LAPTM4B: variants seen among roughly 807,000 people sequenced by gnomAD.
The protein encoded by LAPTM4B is lysosomal-associated transmembrane protein 4B.
LAPTM4B carries 26 observed loss-of-function variants against 28.5 expected under a neutral mutation model. That is an observed-to-expected ratio of 0.91 (90% CI 0.67 to 1.27). LAPTM4B has a LOEUF of 1.27. LAPTM4B is among the 50% of genes most tolerant of loss of function. LAPTM4B has a pLI of 0.00. For synonymous variants in LAPTM4B, 109 were observed against 106.4 expected, an observed-to-expected ratio of 1.02 and a Z score of -0.15; for missense variants, 288 against 285.8, an observed-to-expected ratio of 1.01 and a Z score of -0.06.
chr8:97,840,738 C>T (rs1046419604), intron 6 of LAPTM4B, among the ~76,000 whole-genome samples: 2 of 152,354 alleles, frequency 1.3e-5, no homozygotes, highest in Middle Eastern at 3.4e-3. Context: ...TGTCACTTCA[C>T]ACTTAGAAGG....
intron 2 of LAPTM4B, among the ~76,000 whole-genome samples, chr8:97,810,005 C>T (rs1274676327): frequency 1.3e-5 from 2 of 152,158 alleles, no homozygotes; most frequent in African/African-American, 4.8e-5. Context: ...TCTGGGCTTA[C>T]TGCAATCCCT....
chr8:97,851,326 G>A (rs1817520161), intron 6 of LAPTM4B, 71 bp from the exon 7 acceptor site: 3 of 1,267,852 alleles, frequency 2.4e-6, no homozygotes, highest in Non-Finnish European at 3.5e-6. Context: ...TAAAAGTTCA[G>A]TAAAAGCTAA....
At chr8:97,800,328 T>G (rs1816650863) in intron 1 of LAPTM4B, among the ~76,000 whole-genome samples, 1 of 152,130 alleles carries the variant, frequency 6.6e-6, no homozygotes, top group Non-Finnish European at 1.5e-5. Flanking sequence ...AACCAAGAGC[T>G]TTTAACATGG....
chr8:97,776,097 G>A lies in LAPTM4B; in HGVS notation c.88G>A (p.Val30Ile). 6.3e-7 allele frequency: 1 copy of A among 1,581,070 alleles called. No homozygotes were observed. Among genetic ancestry groups the A allele is most frequent in the East Asian group, 2.4e-5 (1 of 40,850 alleles). Residue 30 changes from valine to isoleucine, a missense_variant, in exon 1 of 7, where the codon GTC becomes ATC. Transcript: ENST00000521545. Reference protein sequence around the residue: ...HVRTGTILLGVWYLIINAVVL... With the variant: ...HVRTGTILLGIWYLIINAVVL... ...CCGCACCGGCACCATCCTGCTCGGC[G>A]TCTGGTATCTGGTGAGCGCGGCGCG...
chr8:97,788,652 C>A lies in LAPTM4B; in HGVS notation c.99+12544C>A, dbSNP rs139699850. 4.6e-5 allele frequency among the ~76,000 whole-genome samples: 7 copies of A among 152,086 alleles called. No individual in the cohort carries two copies. The East Asian group carries it at 1.4e-3, about 29-fold the overall frequency. Reference sequence around the variant, plus strand: ...TATTCCTTTGTATGAAATATATATTCTAAAATTTCCTTTGTTAAGGGTCTG... The same window carrying A: ...TATTCCTTTGTATGAAATATATATTATAAAATTTCCTTTGTTAAGGGTCTG... On this transcript the variant is annotated intron_variant, in intron 1 of 6. Transcript: ENST00000521545.
rs2129868790 is a variant in LAPTM4B at position 97,851,804 on chromosome 8, T to C, written c.*330T>C. ...TGGGCCCCAAAGTTGGGCATTTTTC[T>C]CTCTGTTCCCTCTCTTTTGAAAATG... On this transcript the variant is annotated 3_prime_UTR_variant, in exon 7 of 7. Coordinates refer to ENST00000521545, the MANE Select transcript of LAPTM4B (RefSeq NM_018407.6). The C allele has an allele frequency of 3.4e-6, 1 of 292,448 alleles. No homozygotes were observed. Among genetic ancestry groups the C allele is most frequent in the African/African-American group, 2.2e-5 (1 of 45,970 alleles). The allele number at this position is 292,448 out of a possible 1,614,324, so 18.1% of individuals were successfully genotyped here.
chr8:97,777,151 T>G (rs1333743950), intron 1 of LAPTM4B, among the ~76,000 whole-genome samples: 6 of 136,780 alleles, frequency 4.4e-5, no homozygotes, highest in Admixed American at 1.5e-4. Context: ...TTTTTTTTTT[T>G]TTTTTTTTTT....
intron 3 of LAPTM4B, among the ~76,000 whole-genome samples, 167 bp downstream of exon 3, chr8:97,815,568 A>AT (rs35103829): frequency 0.038 from 5,606 of 146,586 alleles, 326 homozygotes; most frequent in African/African-American, 0.13. Context: ...TATACTGGAA[A>AT]TTTTTTTTTT....
intron 6 of LAPTM4B, among the ~76,000 whole-genome samples, chr8:97,834,452 T>C (rs1817231264): frequency 6.6e-6 from 1 of 152,218 alleles, no homozygotes; most frequent in African/African-American, 2.4e-5. Flanking sequence ...ACAGCTGATA[T>C]ATAATAGTTA....
intron 1 of LAPTM4B, 44 bp downstream of exon 1, chr8:97,776,152 GC>G: frequency 6.7e-7 from 1 of 1,501,282 alleles, no homozygotes; most frequent in Non-Finnish European, 8.9e-7. Flanking sequence ...TTGCTTCCGC[GC>G]CCCTAGCTGG....
intron 1 of LAPTM4B, among the ~76,000 whole-genome samples, chr8:97,801,393 A>G (rs1816677682): frequency 6.6e-6 from 1 of 151,796 alleles, no homozygotes; most frequent in African/African-American, 2.4e-5. Flanking sequence ...CGTTGGCCAA[A>G]CTGGTCTCAA....
At chr8:97,823,754 G>A (rs558451113) in intron 5 of LAPTM4B, among the ~76,000 whole-genome samples, 1 of 149,660 alleles carries the variant, frequency 6.7e-6, no homozygotes, top group South Asian at 2.1e-4. Context: ...GTGGAATGCA[G>A]TGGCACGATC....
Position 97,816,194 on chromosome 8 carries a change from T to G in LAPTM4B, c.408+14T>G. On this transcript the variant is annotated intron_variant, in intron 4 of 6. Coordinates refer to ENST00000521545, the MANE Select transcript of LAPTM4B (RefSeq NM_018407.6). ...ATACGGCAACTGGTACGTGGACCTC[T>G]TACTGCTCCTTTTCATTAATTCTTT... 1 of 1,582,686 alleles carries G rather than the reference T, an allele frequency of 6.3e-7. No homozygotes were observed. The highest frequency in any genetic ancestry group is 1.1e-5 in the South Asian group (1 of 87,562).
At chr8:97,800,255 G>C (rs35044961) in intron 1 of LAPTM4B, among the ~76,000 whole-genome samples, 5 of 151,638 alleles carry the variant, frequency 3.3e-5, no homozygotes, top group Non-Finnish European at 5.9e-5. Context: ...CTGAGAGTGC[G>C]GGGAAAGCAC....
chr8:97,843,158 G>A (rs1458168954), intron 6 of LAPTM4B, among the ~76,000 whole-genome samples: 2 of 152,178 alleles, frequency 1.3e-5, no homozygotes, highest in Non-Finnish European at 2.9e-5. Context: ...TAGGATTACA[G>A]GCGTGAGCCA....
chr8:97,784,504 A>T (rs999467526), intron 1 of LAPTM4B, among the ~76,000 whole-genome samples: 1 of 151,926 alleles, frequency 6.6e-6, no homozygotes, highest in Non-Finnish European at 1.5e-5. Context: ...CAGTGGTGGG[A>T]TCTCCACTCA....
intron 1 of LAPTM4B, among the ~76,000 whole-genome samples, chr8:97,791,775 C>T (rs1816501861): frequency 6.6e-6 from 1 of 152,120 alleles, no homozygotes. Context: ...ACTTTATGCA[C>T]CTGTATTTTA....
chr8:97,822,678 A>AT (rs1255065471), intron 5 of LAPTM4B, among the ~76,000 whole-genome samples: 1 of 152,026 alleles, frequency 6.6e-6, no homozygotes, highest in Non-Finnish European at 1.5e-5. Flanking sequence ...ATTAAAAGAT[A>AT]TTTTTGAATG....
intron 1 of LAPTM4B, among the ~76,000 whole-genome samples, chr8:97,783,955 A>G (rs1816364445): frequency 6.6e-6 from 1 of 152,200 alleles, no homozygotes; most frequent in African/African-American, 2.4e-5. Flanking sequence ...TCAAATGATC[A>G]AACCTTCAGA....
Sources: gnomAD v4.1 joint callset for allele counts (sites outside exome capture counted in the v4.1 genomes callset) on GRCh38, gnomAD v4.1.1 for gene constraint, MANE v1.5 for transcripts, NCBI Gene and HGNC (gene_info 2026-07-23, HGNC 2026-07-21) for gene names.